GPR39: variants seen among roughly 807,000 people sequenced by gnomAD.
The protein encoded by GPR39 is zinc sensing receptor.
In GPR39, 23 loss-of-function variants were observed where a neutral mutation model predicts 18.4. That is an observed-to-expected ratio of 1.25 (90% CI 0.90 to 1.77). GPR39 has a LOEUF of 1.77. Ranked by LOEUF, GPR39 falls within the 40% of genes most tolerant of loss-of-function variation. GPR39 has a pLI of 0.00. For missense variants in GPR39, 647 were observed against 602.4 expected (o/e 1.07, Z -0.78); for synonymous variants, 280 against 257.9 (o/e 1.09, Z -0.82).
chr2:132,433,250 A>T (rs1680254293), intron 1 of GPR39, among the ~76,000 whole-genome samples: 1 of 152,212 alleles, frequency 6.6e-6, no homozygotes, highest in African/African-American at 2.4e-5. Flanking sequence ...TTTGCAGTTG[A>T]GAAATATAAA....
chr2:132,508,999 C>A (rs1679185570), intron 1 of GPR39, among the ~76,000 whole-genome samples: 1 of 152,170 alleles, frequency 6.6e-6, no homozygotes, highest in African/African-American at 2.4e-5. Flanking sequence ...AGGGATGGGG[C>A]CCCATGGAAA....
At chr2:132,456,837 C>A (rs1680737161) in intron 1 of GPR39, among the ~76,000 whole-genome samples, 1 of 152,196 alleles carries the variant, frequency 6.6e-6, no homozygotes, top group Non-Finnish European at 1.5e-5. Context: ...AGGGTTTCTG[C>A]CGAGAGATCC....
chr2:132,456,631 C>T (rs1384407196), intron 1 of GPR39, among the ~76,000 whole-genome samples: 1 of 152,148 alleles, frequency 6.6e-6, no homozygotes, highest in Non-Finnish European at 1.5e-5. Flanking sequence ...TGTTTCTTTC[C>T]ATGTTTAGTG....
At chr2:132,620,881 T>C (rs1030468699) in intron 1 of GPR39, among the ~76,000 whole-genome samples, 3 of 152,144 alleles carry the variant, frequency 2.0e-5, no homozygotes, top group African/African-American at 4.8e-5. Context: ...GCCTCCCAAG[T>C]AGCTGGGACT....
At chr2:132,455,220 G>A (rs1215937663) in intron 1 of GPR39, among the ~76,000 whole-genome samples, 2 of 152,180 alleles carry the variant, frequency 1.3e-5, no homozygotes, top group Non-Finnish European at 2.9e-5. Flanking sequence ...GAGGGTGTAT[G>A]TGTCCAGGAA....
intron 1 of GPR39, among the ~76,000 whole-genome samples, chr2:132,447,118 A>T (rs1230621769): frequency 6.6e-6 from 1 of 152,194 alleles, no homozygotes; most frequent in Non-Finnish European, 1.5e-5. Flanking sequence ...GGCCTGTTGC[A>T]GTAACCGCCA....
At chr2:132,507,818 A>G (rs1679162872) in intron 1 of GPR39, among the ~76,000 whole-genome samples, 1 of 152,214 alleles carries the variant, frequency 6.6e-6, no homozygotes, top group African/African-American at 2.4e-5. Flanking sequence ...GAGTGATGCA[A>G]ATCAGGACCA....
chr2:132,554,794 T>C (rs1285102348), intron 1 of GPR39, among the ~76,000 whole-genome samples: 5 of 152,332 alleles, frequency 3.3e-5, no homozygotes, highest in Non-Finnish European at 7.3e-5. Flanking sequence ...ATATGCGCTA[T>C]CTCTTAAATC....
chr2:132,593,600 C>T (rs1339666502), intron 1 of GPR39, among the ~76,000 whole-genome samples: 1 of 152,100 alleles, frequency 6.6e-6, no homozygotes, highest in African/African-American at 2.4e-5. Context: ...TTGACCTGAA[C>T]AAATGGAAAG....
intron 1 of GPR39, among the ~76,000 whole-genome samples, chr2:132,591,266 AAAAAAAAAAAAC>A (rs1294791201): frequency 4.1e-5 from 5 of 120,586 alleles, no homozygotes; most frequent in Admixed American, 1.8e-4. Context: ...TCAAAAAAAA[AAAAAAAAAAAAC>A]AAAAAAAAAC....
intron 1 of GPR39, among the ~76,000 whole-genome samples, chr2:132,624,160 G>A (rs139444635): frequency 1.8e-3 from 277 of 152,298 alleles, no homozygotes; most frequent in African/African-American, 6.5e-3. Flanking sequence ...CGGTAGGGTT[G>A]GCTCTTGGGG....
chr2:132,438,762 G>A lies in GPR39; in HGVS notation c.856+20864G>A, dbSNP rs1031288901. Among the ~76,000 whole-genome samples the A allele has an allele frequency of 2.0e-5, 3 of 152,062 alleles. No individual in the cohort carries two copies. In the South Asian group the frequency reaches 6.2e-4, roughly 31 times the overall value. On this transcript the variant is annotated intron_variant, in intron 1 of 1. Coordinates refer to ENST00000329321, the MANE Select transcript of GPR39 (RefSeq NM_001508.3). The stretch of plus-strand genomic sequence containing the variant: ...TGTTTCAAGTTGAAGGTCTTCCTTA[G>A]TTCTGCATCATCCTTTAGTCATTCT...
chr2:132,617,001 T>A (rs544318323), intron 1 of GPR39, among the ~76,000 whole-genome samples: 7 of 152,114 alleles, frequency 4.6e-5, no homozygotes, highest in East Asian at 1.9e-4. Context: ...TTTTAAAAAA[T>A]TTTTTTCCAG....
intron 1 of GPR39, among the ~76,000 whole-genome samples, chr2:132,585,160 T>A (rs1032638530): frequency 1.3e-5 from 2 of 152,114 alleles, no homozygotes; most frequent in Non-Finnish European, 2.9e-5. Flanking sequence ...GGATTAAGGA[T>A]TTAGGACAAC....
rs562257317 is a variant in GPR39 at position 132,434,806 on chromosome 2, T to C, written c.856+16908T>C. 6.6e-5 allele frequency among the ~76,000 whole-genome samples: 10 copies of C among 152,108 alleles called. No homozygotes were observed. The South Asian group carries it at 1.7e-3, about 25-fold the overall frequency. On this transcript the variant is annotated intron_variant, in intron 1 of 1. Coordinates refer to ENST00000329321, the MANE Select transcript of GPR39 (RefSeq NM_001508.3). ...TTTACAATAGAGCCGATTCAGAAAA[T>C]TATAAAAGAGATTGTGGATATGGCA...
intron 1 of GPR39, among the ~76,000 whole-genome samples, chr2:132,531,840 A>G (rs568127091): frequency 2.0e-4 from 30 of 152,376 alleles, no homozygotes; most frequent in Middle Eastern, 6.8e-3. Context: ...TCTGGGACAC[A>G]TTCAAAGCAG....
chr2:132,562,488 C>T (rs16835799), intron 1 of GPR39, among the ~76,000 whole-genome samples: 5,867 of 152,188 alleles, frequency 0.039, 381 homozygotes, highest in African/African-American at 0.13. Context: ...GGATTTCTTA[C>T]GGTTCTCTGC....
At chr2:132,472,039 A>G (rs73001209) in intron 1 of GPR39, among the ~76,000 whole-genome samples, 8,163 of 152,156 alleles carry the variant, frequency 0.054, 779 homozygotes, top group African/African-American at 0.18. Context: ...TGAGGACTCA[A>G]CATCAGTCTG....
intron 1 of GPR39, among the ~76,000 whole-genome samples, chr2:132,560,891 T>G (rs940450929): frequency 2.0e-5 from 3 of 149,824 alleles, no homozygotes; most frequent in Non-Finnish European, 3.0e-5. Context: ...TCACATTTTG[T>G]TTTTTTTTGT....
Sources: allele counts gnomAD v4.1 joint callset (sites outside exome capture counted in the v4.1 genomes callset), GRCh38; gene constraint gnomAD v4.1.1; transcripts MANE v1.5; gene names NCBI Gene and HGNC (gene_info 2026-07-23, HGNC 2026-07-21).